Variants in AHCY observed in about 807,000 individuals in gnomAD.
AHCY encodes adenosylhomocysteinase.
A neutral mutation model predicts 45.4 loss-of-function variants in AHCY; 24 were observed. The ratio of observed to expected loss-of-function variants is 0.53; its 90% CI spans 0.38 to 0.74. The LOEUF is 0.74. Ranked by LOEUF, AHCY falls within the 30% of genes least tolerant of loss-of-function variation. AHCY has a pLI of 0.00. For synonymous variants in AHCY, 245 were observed against 235.1 expected (o/e 1.04, Z -0.39); for missense variants, 449 against 594.1 (o/e 0.76, Z 2.54).
At position 34,295,514 on chromosome 20, in the gene AHCY, G is replaced by A. The variant is rs145239391; in HGVS notation, c.100C>T (p.Arg34Cys). ...IAENEMPGLM[R>C]MRERYSASKP... ...GAGGCCGAGTACCGCTCCCGCATAC[G>A]CATCAGGCCCGGCATCTCGTTCTCA... is the stretch of plus-strand genomic sequence containing the variant. Residue 34 changes from arginine (R) to cysteine (C), a missense_variant, in exon 2 of 10, where the codon CGT becomes TGT. Coordinates refer to ENST00000217426, the MANE Select transcript of AHCY (RefSeq NM_000687.4). 4.6e-5 allele frequency: 74 copies of A among 1,613,946 alleles called. 1 individual carries two copies. The African/African-American group carries it at 5.5e-4, about 12-fold the overall frequency.
chr20:34,298,964 C>T (rs1376332772), intron 1 of AHCY, among the ~76,000 whole-genome samples: 4 of 152,142 alleles, frequency 2.6e-5, no homozygotes, highest in Non-Finnish European at 4.4e-5. Context: ...CATGACCTTA[C>T]CTATCCTTGG....
chr20:34,293,990 T>C (rs2036488404), intron 3 of AHCY, 91 bp downstream of exon 3: 14 of 1,313,890 alleles, frequency 1.1e-5, no homozygotes, highest in East Asian at 2.3e-5. Context: ...CTTTCTGATA[T>C]GTAAGGAAGT....
the AHCY span, among the ~76,000 whole-genome samples, chr20:34,270,819 C>G: frequency 2.6e-5 from 4 of 152,286 alleles, no homozygotes; most frequent in East Asian, 7.7e-4. Context: ...TTCCCTCAGA[C>G]TATCAGTTTT....
At chr20:34,309,251 C>T (rs118066399) in intron 1 of AHCY, among the ~76,000 whole-genome samples, 12 of 152,316 alleles carry the variant, frequency 7.9e-5, no homozygotes, top group South Asian at 4.1e-4. Context: ...TGAGCCACCA[C>T]GCCTGGCCGG....
the AHCY span, among the ~76,000 whole-genome samples, chr20:34,233,306 C>T: frequency 7.2e-5 from 11 of 152,116 alleles, no homozygotes; most frequent in South Asian, 2.1e-3. Context: ...CACCACCATG[C>T]CCGGCTAATT....
rs376597030 is a variant in AHCY at position 34,303,318 on chromosome 20, T to A, written c.-48A>T. On this transcript the variant is annotated 5_prime_UTR_variant, in exon 1 of 10. Coordinates refer to ENST00000217426, the MANE Select transcript of AHCY (RefSeq NM_000687.4). The stretch of plus-strand genomic sequence containing the variant: ...ACGGGCGAAGGGGGCTGGGCCTCAG[T>A]CTGGGAACAGGAACTGGGCGGGCAG... 2.1e-5 allele frequency: 32 copies of A among 1,551,462 alleles called. No homozygotes were observed. In the Admixed American group the frequency reaches 3.7e-4, roughly 18 times the overall value.
chr20:34,269,523 C>T, the AHCY span, among the ~76,000 whole-genome samples: 1 of 152,028 alleles, frequency 6.6e-6, no homozygotes, highest in Non-Finnish European at 1.5e-5. Context: ...TGCCTTTAAA[C>T]CTGGGAACAC....
At chr20:34,261,977 G>T in the AHCY span, among the ~76,000 whole-genome samples, 7 of 152,068 alleles carry the variant, frequency 4.6e-5, no homozygotes, top group African/African-American at 1.4e-4. Flanking sequence ...GCCAGGTGTG[G>T]TGGTACATGC....
the AHCY span, among the ~76,000 whole-genome samples, chr20:34,274,769 A>T: frequency 6.6e-6 from 1 of 151,800 alleles, no homozygotes; most frequent in Non-Finnish European, 1.5e-5. Flanking sequence ...CAACATGGCG[A>T]GCCCCCATCT....
chr20:34,311,760 AG>A (rs2036951710), exon 1 of AHCY: 1 of 152,570 alleles, frequency 6.6e-6, no homozygotes, highest in South Asian at 2.1e-4. Context: ...CCACCCCGCT[AG>A]GGGTCTCTCC....
In AHCY at chr20:34,295,601, G is replaced by GGTGGGAGTT; in HGVS notation, c.29-25_29-17dup. 6.2e-7 allele frequency: 1 copy of GGTGGGAGTT among 1,612,922 alleles called. No individual in the cohort carries two copies. Among genetic ancestry groups the GGTGGGAGTT allele is most frequent in the Non-Finnish European group, 8.5e-7 (1 of 1,179,558 alleles). Reference sequence around the variant, plus strand: ...CCGATGTCGGCTACGGGAGGAAACAGGTGGGAGTTCCGTGAGTCCCCTCAT... The same window carrying GGTGGGAGTT: ...CCGATGTCGGCTACGGGAGGAAACAGGTGGGAGTTGTGGGAGTTCCGTGAGTCCCCTCAT... On this transcript the variant is annotated splice_polypyrimidine_tract_variant and intron_variant, in intron 1 of 9. Transcript: ENST00000217426.
upstream of AHCY, among the ~76,000 whole-genome samples, chr20:34,305,939 G>A (rs147672854): frequency 3.0e-3 from 457 of 151,872 alleles, 2 homozygotes; most frequent in African/African-American, 0.01. Flanking sequence ...AAAATTAGCC[G>A]GGCGTGATGG....
At chr20:34,270,441 C>T in the AHCY span, among the ~76,000 whole-genome samples, 1 of 152,126 alleles carries the variant, frequency 6.6e-6, no homozygotes, top group Non-Finnish European at 1.5e-5. Flanking sequence ...GTTCCTTGTA[C>T]CACAGTTGCT....
chr20:34,235,289 A>C, the AHCY span, among the ~76,000 whole-genome samples: 1 of 152,194 alleles, frequency 6.6e-6, no homozygotes, highest in East Asian at 1.9e-4. Flanking sequence ...AAAATACAAA[A>C]ATTAGCCAGG....
At chr20:34,239,851 A>C in the AHCY span, among the ~76,000 whole-genome samples, 1 of 152,170 alleles carries the variant, frequency 6.6e-6, no homozygotes, top group African/African-American at 2.4e-5. Context: ...GAAAACAGAC[A>C]ATGTTTATTG....
At chr20:34,269,946 T>TAAAAAAAAAAAAAAAAAAAAAAAAAAAA in the AHCY span, among the ~76,000 whole-genome samples, 5 of 59,236 alleles carry the variant, frequency 8.4e-5, no homozygotes, top group African/African-American at 4.5e-4. Context: ...AACTCTGTCT[T>TAAAAAAAAAAAAAAAAAAAAAAAAAAAA]AAAAAAAAAA....
Position 34,290,700 on chromosome 20 carries a change from TG to T in AHCY, c.766+30del. On this transcript the variant is annotated intron_variant, in intron 6 of 9. Transcript: ENST00000217426. This position sits in a 1 kb window ranked among gnomAD's most constrained non-coding sequence, Gnocchi z 4.5. ...GCCTTGCCCCTCCCTCTGGCCCCAG[TG>T]GCTGACAACCAACCCTTGCCCTATC... is the stretch of plus-strand genomic sequence containing the variant. The T allele has an allele frequency of 6.2e-7, 1 of 1,613,788 alleles. No individual in the cohort carries two copies. Among genetic ancestry groups the T allele is most frequent in the Non-Finnish European group, 8.5e-7 (1 of 1,179,956 alleles).
chr20:34,235,821 GA>G, the AHCY span, among the ~76,000 whole-genome samples: 44 of 60,882 alleles, frequency 7.2e-4, 1 homozygote, highest in Admixed American at 7.8e-4. Flanking sequence ...AAGAAAGAAA[GA>G]AAGAAAGAAA....
At chr20:34,306,152 T>TC (rs2036894481), upstream of AHCY, among the ~76,000 whole-genome samples, 1 of 151,712 alleles carries the variant, frequency 6.6e-6, no homozygotes, top group African/African-American at 2.4e-5. Flanking sequence ...ATGATGACTC[T>TC]CATCCTCACT....
Sources: allele counts gnomAD v4.1 joint callset (sites outside exome capture counted in the v4.1 genomes callset), GRCh38; gene constraint gnomAD v4.1.1; non-coding constraint Gnocchi (gnomAD v3.1); transcripts MANE v1.5; gene names NCBI Gene and HGNC (gene_info 2026-07-23, HGNC 2026-07-21).